SULT4A1: variants seen among roughly 807,000 people sequenced by gnomAD.
SULT4A1 encodes the protein sulfotransferase family 4A member 1.
SULT4A1 carries 11 observed loss-of-function variants against 35.2 expected under a neutral mutation model. The ratio of observed to expected loss-of-function variants is 0.31; its 90% CI spans 0.20 to 0.52. The LOEUF (loss-of-function observed/expected upper bound fraction) is 0.52, where lower values mean the gene tolerates loss of function less well. Among genes scored for constraint, SULT4A1 ranks in the 20% least tolerant of loss-of-function variants. The pLI is 0.97. For missense variants in SULT4A1, 271 were observed against 383.7 expected (o/e 0.71, Z 2.45); for synonymous variants, 152 against 151.8 (o/e 1.00, Z -0.01).
intron 5 of SULT4A1, among the ~76,000 whole-genome samples, chr22:43,832,184 G>A (rs767175772): frequency 2.6e-5 from 4 of 152,180 alleles, no homozygotes; most frequent in Non-Finnish European, 4.4e-5. Flanking sequence ...CTACCACACC[G>A]TCCTCTGGGC....
intron 1 of SULT4A1, among the ~76,000 whole-genome samples, chr22:43,850,035 G>A (rs1385054951): frequency 6.6e-6 from 1 of 152,218 alleles, no homozygotes; most frequent in Admixed American, 6.5e-5. Flanking sequence ...AGAGCAGCCA[G>A]CTGACTCCAG....
chr22:43,828,907 C>G, intron 6 of SULT4A1, 153 bp downstream of exon 6: 1 of 832,206 alleles, frequency 1.2e-6, no homozygotes, highest in South Asian at 2.0e-5. Flanking sequence ...TGGGCACCAG[C>G]TAACAGAGCA....
intron 1 of SULT4A1, among the ~76,000 whole-genome samples, chr22:43,853,002 G>A (rs1603409534): frequency 6.6e-6 from 1 of 151,940 alleles, no homozygotes; most frequent in East Asian, 1.9e-4. Context: ...TCCAGAACCA[G>A]AGTGCTTTAC....
At chr22:43,831,719 C>A (rs939432673) in intron 5 of SULT4A1, among the ~76,000 whole-genome samples, 1 of 152,242 alleles carries the variant, frequency 6.6e-6, no homozygotes. Context: ...GAGTTCCACA[C>A]CTGACAGGTT....
chr22:43,852,747 G>C (rs138093), intron 1 of SULT4A1, among the ~76,000 whole-genome samples: 34,897 of 150,206 alleles, frequency 0.23, 4,250 homozygotes, highest in African/African-American at 0.31. Context: ...GAAAAGTAGA[G>C]TTCCTGGTCA....
chr22:43,825,907 G>C lies in SULT4A1; in HGVS notation c.*94C>G. On this transcript the variant is annotated 3_prime_UTR_variant, in exon 7 of 7. Transcript: ENST00000330884. Reference sequence around the variant, plus strand: ...CCCGCTGTTTCACACGCTGCTTCCAGAGTTTGTCCAGCAAGGAATAAATGA... The same window carrying C: ...CCCGCTGTTTCACACGCTGCTTCCACAGTTTGTCCAGCAAGGAATAAATGA... 7.9e-7 allele frequency: 1 copy of C among 1,266,262 alleles called. No individual in the cohort carries two copies. The highest frequency in any genetic ancestry group is 2.4e-5 in the East Asian group (1 of 42,142). 78.4% of individuals were successfully genotyped at this position (1,266,262 alleles called of 1,614,324 possible). A position where few individuals can be genotyped will look rare whatever the true frequency, so the allele number is the denominator to read the frequency against.
At chr22:43,859,949 G>A (rs2049447119) in intron 1 of SULT4A1, among the ~76,000 whole-genome samples, 1 of 152,212 alleles carries the variant, frequency 6.6e-6, no homozygotes, top group Non-Finnish European at 1.5e-5. Flanking sequence ...AAGCTAGAAT[G>A]TCGCAAGCAC....
intron 1 of SULT4A1, among the ~76,000 whole-genome samples, chr22:43,860,913 C>T (rs1211995833): frequency 6.6e-6 from 1 of 152,120 alleles, no homozygotes; most frequent in Non-Finnish European, 1.5e-5. Context: ...GACCTCTGTC[C>T]CTCAGCAACT....
intron 2 of SULT4A1, among the ~76,000 whole-genome samples, 170 bp downstream of exon 2, chr22:43,841,632 G>A (rs1029145287): frequency 1.3e-5 from 2 of 152,112 alleles, no homozygotes; most frequent in Non-Finnish European, 2.9e-5. Context: ...CGCCCTCATC[G>A]GGTTCCAGGT....
chr22:43,838,690 C>T (rs1047244350), intron 4 of SULT4A1, among the ~76,000 whole-genome samples, 177 bp downstream of exon 4: 5 of 152,208 alleles, frequency 3.3e-5, no homozygotes, highest in Admixed American at 1.3e-4. Context: ...TCTAGGATCT[C>T]GGCCACGTTC....
At chr22:43,827,637 T>C (rs556332099) in intron 6 of SULT4A1, 2 of 1,366,274 alleles carry the variant, frequency 1.5e-6, no homozygotes, top group South Asian at 1.1e-5. Context: ...AAAGACGCAA[T>C]GTGCTAAAAG....
At chr22:43,843,071 A>C (rs778217355) in intron 1 of SULT4A1, among the ~76,000 whole-genome samples, 8 of 151,610 alleles carry the variant, frequency 5.3e-5, no homozygotes, top group Non-Finnish European at 1.2e-4. Context: ...ATACAAACTG[A>C]AAATATACTT....
intron 6 of SULT4A1, chr22:43,827,431 A>G: frequency 1.7e-6 from 2 of 1,196,558 alleles, no homozygotes; most frequent in Non-Finnish European, 2.1e-6. Context: ...CAAAATTAGA[A>G]GCTGCTAGAG....
rs1048616228 is a variant in SULT4A1, at chr22:43,850,072, C to T, written c.170-8140G>A. Among the ~76,000 whole-genome samples, 10 of 152,172 alleles carry T rather than the reference C, an allele frequency of 6.6e-5. 1 individual carries two copies. Among genetic ancestry groups the T allele is most frequent in the Admixed American group, 2.6e-4 (4 of 15,276 alleles). ...ACTCGTGTACTCCAGCTCCCGCCTG[C>T]GAAGCAGTCGGGAAATGTCTGGCTT... is the stretch of plus-strand genomic sequence containing the variant. On this transcript the variant is annotated intron_variant, in intron 1 of 6. Coordinates refer to ENST00000330884, the MANE Select transcript of SULT4A1 (RefSeq NM_014351.4).
intron 5 of SULT4A1, among the ~76,000 whole-genome samples, chr22:43,830,435 T>C (rs534553665): frequency 6.6e-6 from 1 of 152,306 alleles, no homozygotes; most frequent in South Asian, 2.1e-4. Flanking sequence ...TCCAGCAACA[T>C]GTCACAGGAC....
In SULT4A1 at chr22:43,828,196, C is replaced by A. The variant is rs541478265; in HGVS notation, c.742+864G>T. ...AGAGCCATCCACGTTTCTGGGCCCT[C>A]CCTGCAAACATTCTCAACCCAGGAA... On this transcript the variant is annotated intron_variant, in intron 6 of 6. Coordinates refer to ENST00000330884, the MANE Select transcript of SULT4A1 (RefSeq NM_014351.4). 1.7e-3 allele frequency among the ~76,000 whole-genome samples: 255 copies of A among 152,306 alleles called. 1 individual carries two copies. The highest frequency in any genetic ancestry group is 1.8e-3 in the Non-Finnish European group (125 of 68,016).
intron 1 of SULT4A1, among the ~76,000 whole-genome samples, chr22:43,850,880 A>C (rs1284724154): frequency 4.0e-5 from 6 of 148,926 alleles, no homozygotes; most frequent in Non-Finnish European, 9.0e-5. Flanking sequence ...CTGGGGGCCC[A>C]TTTTTCTCTC....
chr22:43,847,210 C>T (rs1187272633), intron 1 of SULT4A1, among the ~76,000 whole-genome samples: 1 of 152,126 alleles, frequency 6.6e-6, no homozygotes, highest in South Asian at 2.1e-4. Flanking sequence ...CGAGAACACA[C>T]ACCACGAAAC....
At chr22:43,835,978 C>T (rs2063368657) in intron 4 of SULT4A1, among the ~76,000 whole-genome samples, 1 of 152,242 alleles carries the variant, frequency 6.6e-6, no homozygotes, top group African/African-American at 2.4e-5. Flanking sequence ...ACGCCGGGCC[C>T]CTCCACGCTT....
Sources: gnomAD v4.1 joint callset for allele counts (sites outside exome capture counted in the v4.1 genomes callset) on GRCh38, gnomAD v4.1.1 for gene constraint, MANE v1.5 for transcripts, NCBI Gene and HGNC (gene_info 2026-07-23, HGNC 2026-07-21) for gene names.